The following SH3BGR variants were observed in gnomAD, a reference collection of about 807,000 sequenced individuals.
The protein encoded by SH3BGR is SH3 domain-binding glutamic acid-rich protein.
In SH3BGR, 29 loss-of-function variants were observed where a neutral mutation model predicts 24.5. The observed-to-expected ratio is 1.18, with a 90% CI of 0.88 to 1.61. The LOEUF is 1.61. Ranked by LOEUF, SH3BGR falls within the 40% of genes most tolerant of loss-of-function variation. SH3BGR has a pLI of 0.00. For synonymous variants in SH3BGR, 55 were observed against 65.7 expected, an observed-to-expected ratio of 0.84 and a Z score of 0.79; for missense variants, 162 against 205.8, an observed-to-expected ratio of 0.79 and a Z score of 1.30.
intron 5 of SH3BGR, 97 bp downstream of exon 5, chr21:39,509,124 T>G: frequency 2.1e-6 from 2 of 957,946 alleles, no homozygotes; most frequent in South Asian, 1.6e-5. Flanking sequence ...CTTAATAACA[T>G]AAGAGAGCGA....
chr21:39,455,676 G>T (rs1179615794), intron 1 of SH3BGR, among the ~76,000 whole-genome samples: 1 of 152,218 alleles, frequency 6.6e-6, no homozygotes, highest in Non-Finnish European at 1.5e-5. Context: ...GGTGCAGCAA[G>T]ACGACAGTGC....
Position 39,452,067 on chromosome 21 carries a change from T to A in SH3BGR, c.-30T>A. Reference sequence around the variant, plus strand: ...CGGCGCATTCCCTGACAGGGGTGTGTTGGGGGGAGTCCTCTTTCCAACTGT... The same window carrying A: ...CGGCGCATTCCCTGACAGGGGTGTGATGGGGGGAGTCCTCTTTCCAACTGT... On this transcript the variant is annotated 5_prime_UTR_variant, in exon 1 of 7. In the 5' UTR this introduces an upstream ATG that the reference lacks. Coordinates refer to ENST00000333634, the MANE Select transcript of SH3BGR (RefSeq NM_007341.3). The A allele has an allele frequency of 6.2e-7, 1 of 1,614,122 alleles. No homozygotes were observed. Among genetic ancestry groups the A allele is most frequent in the Non-Finnish European group, 8.5e-7 (1 of 1,180,000 alleles).
chr21:39,497,313 G>T (rs1279018745), intron 3 of SH3BGR, among the ~76,000 whole-genome samples: 1 of 151,268 alleles, frequency 6.6e-6, no homozygotes, highest in African/African-American at 2.4e-5. Flanking sequence ...GACATAATTT[G>T]CCATCTGTCT....
chr21:39,457,882 GC>G (rs2077688772), intron 1 of SH3BGR, among the ~76,000 whole-genome samples: 1 of 151,966 alleles, frequency 6.6e-6, no homozygotes, highest in African/African-American at 2.4e-5. Context: ...CCAAGATCGT[GC>G]CACTGCGCTC....
chr21:39,498,402 G>C (rs1440102124), intron 3 of SH3BGR, among the ~76,000 whole-genome samples: 2 of 152,152 alleles, frequency 1.3e-5, no homozygotes, highest in African/African-American at 4.8e-5. Context: ...CAGGGAGGAG[G>C]TGTAGACCTA....
At chr21:39,496,751 A>G (rs2078404170) in intron 3 of SH3BGR, among the ~76,000 whole-genome samples, 1 of 152,164 alleles carries the variant, frequency 6.6e-6, no homozygotes, top group Admixed American at 6.5e-5. Flanking sequence ...TAAAATGTTT[A>G]GGAATAAATT....
intron 2 of SH3BGR, among the ~76,000 whole-genome samples, chr21:39,470,269 T>C (rs1297663888): frequency 6.6e-6 from 1 of 152,060 alleles, no homozygotes; most frequent in Non-Finnish European, 1.5e-5. Flanking sequence ...AAACTTTTTT[T>C]TTTTTTAAAG....
At chr21:39,507,034 G>T (rs915505641) in intron 4 of SH3BGR, among the ~76,000 whole-genome samples, 1 of 152,188 alleles carries the variant, frequency 6.6e-6, no homozygotes, top group Non-Finnish European at 1.5e-5. Flanking sequence ...TCAACACGTC[G>T]CTGTGAAAGC....
intron 3 of SH3BGR, among the ~76,000 whole-genome samples, chr21:39,493,056 A>G (rs2078330854): frequency 1.3e-5 from 2 of 152,082 alleles, no homozygotes; most frequent in East Asian, 1.9e-4. Context: ...ATTTTCTCCC[A>G]TTCTGTGGGT....
chr21:39,483,028 T>C (rs16997709), intron 3 of SH3BGR, among the ~76,000 whole-genome samples: 5,035 of 152,244 alleles, frequency 0.033, 89 homozygotes, highest in Middle Eastern at 0.071. Context: ...TTGCTCTTAT[T>C]AGTTAAAAGC....
intron 1 of SH3BGR, among the ~76,000 whole-genome samples, chr21:39,457,242 A>T (rs1211755834): frequency 3.2e-5 from 1 of 30,964 alleles, no homozygotes; most frequent in Non-Finnish European, 8.2e-5. Flanking sequence ...AAATATAAAA[A>T]TCTTATTATA....
Position 39,452,041 on chromosome 21 carries a change from G to C in SH3BGR, c.-56G>C. 6.2e-7 allele frequency: 1 copy of C among 1,614,150 alleles called. No individual in the cohort carries two copies. Among genetic ancestry groups the C allele is most frequent in the Non-Finnish European group, 8.5e-7 (1 of 1,180,020 alleles). Reference sequence around the variant, plus strand: ...CTGTGTCACTGTCAGGATTTGTCTAGCGGCGCATTCCCTGACAGGGGTGTG... The same window carrying C: ...CTGTGTCACTGTCAGGATTTGTCTACCGGCGCATTCCCTGACAGGGGTGTG... On this transcript the variant is annotated 5_prime_UTR_variant, in exon 1 of 7. Coordinates refer to ENST00000333634, the MANE Select transcript of SH3BGR (RefSeq NM_007341.3).
intron 3 of SH3BGR, among the ~76,000 whole-genome samples, chr21:39,485,071 C>T (rs1446139515): frequency 6.6e-6 from 1 of 152,166 alleles, no homozygotes; most frequent in Non-Finnish European, 1.5e-5. Flanking sequence ...AGGCCAAGGA[C>T]CAGACCAGTT....
chr21:39,506,821 G>A (rs1338360293), intron 4 of SH3BGR, among the ~76,000 whole-genome samples: 1 of 152,114 alleles, frequency 6.6e-6, no homozygotes, highest in Non-Finnish European at 1.5e-5. Flanking sequence ...TTCTAAAGAT[G>A]AGGGTAGTAC....
At chr21:39,454,052 G>A (rs2077616520) in intron 1 of SH3BGR, among the ~76,000 whole-genome samples, 1 of 152,214 alleles carries the variant, frequency 6.6e-6, no homozygotes, top group African/African-American at 2.4e-5. Context: ...TCTATGATCA[G>A]TATGTGTGAG....
upstream of SH3BGR, chr21:39,447,113 T>C (rs2077495186): frequency 6.6e-6 from 1 of 152,152 alleles, no homozygotes; most frequent in Non-Finnish European, 1.5e-5. Context: ...CGGTTGTTTT[T>C]GCTGGTGGTG....
intron 2 of SH3BGR, among the ~76,000 whole-genome samples, chr21:39,473,884 C>A (rs866741867): frequency 4.6e-4 from 67 of 146,930 alleles, no homozygotes; most frequent in South Asian, 8.7e-4. Context: ...GACTCTGTCT[C>A]AAAAAAAAAA....
At chr21:39,493,418 T>C (rs1425012628) in intron 3 of SH3BGR, among the ~76,000 whole-genome samples, 2 of 152,200 alleles carry the variant, frequency 1.3e-5, no homozygotes, top group Non-Finnish European at 2.9e-5. Context: ...CAAAGATCGT[T>C]GGCTGTAAGT....
chr21:39,471,143 T>G (rs563054730), intron 2 of SH3BGR, among the ~76,000 whole-genome samples: 21 of 151,286 alleles, frequency 1.4e-4, no homozygotes, highest in East Asian at 3.9e-4. Flanking sequence ...TCTCTTCGTC[T>G]TCTTCTTCCC....
Sources: allele counts gnomAD v4.1 joint callset (sites outside exome capture counted in the v4.1 genomes callset), GRCh38; gene constraint gnomAD v4.1.1; transcripts MANE v1.5; gene names NCBI Gene and HGNC (gene_info 2026-07-23, HGNC 2026-07-21).